Variants in FGL2 observed in about 807,000 individuals in gnomAD.
FGL2 encodes fibroleukin.
In FGL2, 21 loss-of-function variants were observed where a neutral mutation model predicts 36.0. That is an observed-to-expected ratio of 0.58 (90% CI 0.41 to 0.84). The LOEUF is 0.84. Among genes scored for constraint, FGL2 ranks in the 40% least tolerant of loss-of-function variants. The pLI is 0.00. For synonymous variants in FGL2, 183 were observed against 190.7 expected (o/e 0.96, Z 0.33); for missense variants, 444 against 526.3 (o/e 0.84, Z 1.53).
rs776636068 is a variant in FGL2, at chr7:77,193,613, A to G, written c.*2666T>C. ...GTTGCCCAGATTTCTTATGTTTTGT[A>G]TATTTAAGCTCTTTATTTATTGAAC... On this transcript the variant is annotated 3_prime_UTR_variant, in exon 2 of 2. Transcript: ENST00000248598. 2 of 152,152 alleles carry G rather than the reference A, an allele frequency of 1.3e-5. No homozygotes were observed. Among genetic ancestry groups the G allele is most frequent in the Non-Finnish European group, 2.9e-5 (2 of 67,996 alleles). The allele number at this position is 152,152 out of a possible 1,614,324, so 9.4% of individuals were successfully genotyped here.
intron 1 of FGL2, chr7:77,198,425 C>A: frequency 2.2e-6 from 1 of 445,284 alleles, no homozygotes; most frequent in Non-Finnish European, 3.0e-6. Context: ...GTCAATACCA[C>A]TGTTAGTTCG....
intron 1 of FGL2, chr7:77,198,037 G>A (rs1028074595): frequency 2.8e-6 from 2 of 722,338 alleles, no homozygotes; most frequent in African/African-American, 3.8e-5. Context: ...CACCCAAAAT[G>A]TTTAGGAGAA....
chr7:77,199,063 T>C, intron 1 of FGL2, 118 bp downstream of exon 1: 1 of 877,626 alleles, frequency 1.1e-6, no homozygotes, highest in Non-Finnish European at 1.8e-6. Flanking sequence ...TGCACCTTGA[T>C]AAATAAAAGA....
In FGL2 at chr7:77,195,348, T is replaced by C. The variant is rs1324110012; in HGVS notation, c.*931A>G. On this transcript the variant is annotated 3_prime_UTR_variant, in exon 2 of 2. Transcript: ENST00000248598. ...TTAAACCCTGGTCTTCACAGTTACA[T>C]TGCTTTCTGAATGCTTTTTGGGGTG... 1.3e-5 allele frequency: 2 copies of C among 152,216 alleles called. No individual in the cohort carries two copies. Among genetic ancestry groups the C allele is most frequent in the African/African-American group, 4.8e-5 (2 of 41,466 alleles). The allele number at this position is 152,216 out of a possible 1,614,324, so 9.4% of individuals were successfully genotyped here. A position where few individuals can be genotyped will look rare whatever the true frequency, so the allele number is the denominator to read the frequency against.
In FGL2 at chr7:77,199,069, A is replaced by G; in HGVS notation, c.613+112T>C. The G allele has an allele frequency of 3.3e-6, 3 of 919,006 alleles. No homozygotes were observed. The East Asian group carries it at 7.3e-5, about 22-fold the overall frequency. The allele number at this position is 919,006 out of a possible 1,614,324, so 56.9% of individuals were successfully genotyped here. A position where few individuals can be genotyped will look rare whatever the true frequency, so the allele number is the denominator to read the frequency against. ...TTTTTCCTGTGCACCTTGATAAATA[A>G]AAGACTTAATCTGTCATCTATTTAA... On this transcript the variant is annotated intron_variant, in intron 1 of 1. Coordinates refer to ENST00000248598, the MANE Select transcript of FGL2 (RefSeq NM_006682.3).
chr7:77,199,338 A>G lies in FGL2; in HGVS notation c.456T>C (p.Asn152=), dbSNP rs1791936686. Residue 152 remains asparagine (N), a synonymous_variant, in exon 1 of 2, where the codon AAT becomes AAC. Transcript: ENST00000248598. ...GCTTCTCCAGGCGACCATGAAGTAC[A>G]TTGATCTCCTCTTTGGCATTCTTTA... ...SELKNAKEEI[N]VLHGRLEKLN... is the part of the protein sequence containing the mutation. 6.2e-7 allele frequency: 1 copy of G among 1,614,092 alleles called. No individual in the cohort carries two copies.
Position 77,196,638 on chromosome 7 carries a change from C to T in FGL2, c.961G>A (p.Val321Met), listed in dbSNP as rs1791875888. ...ELYALYDQFY[V>M]ANEFLKYRLH... ...CGATATTTGAGAAACTCATTAGCCACATAAAACTGATCATACAAGGCATAT... is the reference window on the plus strand; with the variant it reads ...CGATATTTGAGAAACTCATTAGCCATATAAAACTGATCATACAAGGCATAT... The change falls in exon 2 of 2, where the codon GTG becomes ATG. Residue 321 changes from valine (V) to methionine (M), a missense_variant. Val to Met is a conservative substitution (Grantham distance 21). Coordinates refer to ENST00000248598, the MANE Select transcript of FGL2 (RefSeq NM_006682.3). The surrounding 1 kb of genome is among the most constrained non-coding windows in gnomAD (Gnocchi z 4.2). 6.2e-7 allele frequency: 1 copy of T among 1,614,128 alleles called. No homozygotes were observed. Among genetic ancestry groups the T allele is most frequent in the Non-Finnish European group, 8.5e-7 (1 of 1,179,942 alleles).
At chr7:77,199,034 A>C (rs966229836) in intron 1 of FGL2, 147 bp downstream of exon 1, 11 of 683,768 alleles carry the variant, frequency 1.6e-5, no homozygotes, top group Middle Eastern at 4.1e-4. Flanking sequence ...ATATTTGAGA[A>C]GATATTTATT....
rs1016867186 is a variant in FGL2, at chr7:77,196,365, C to T, written c.1234G>A (p.Gly412Ser). Residue 412 changes from glycine to serine, a missense_variant, in exon 2 of 2, where the codon GGT becomes AGT. By Grantham distance (56) the Gly-to-Ser change is moderately conservative. Transcript: ENST00000248598. The surrounding 1 kb of genome is among the most constrained non-coding windows in gnomAD (Gnocchi z 4.2). ...CCACCAGGGTGTGCCTCACTTACAC[C>T]AGGCCAGGTACCCCAGAAAATCCCA... ...RNGIFWGTWP[G>S]VSEAHPGGYK... is the part of the protein sequence containing the mutation. 1 of 1,613,998 alleles carries T rather than the reference C, an allele frequency of 6.2e-7. No homozygotes were observed. The highest frequency in any genetic ancestry group is 8.5e-7 in the Non-Finnish European group (1 of 1,180,026).
At chr7:77,197,095 T>A in intron 1 of FGL2, 110 bp from the exon 2 acceptor site, 1 of 699,760 alleles carries the variant, frequency 1.4e-6, no homozygotes, top group Non-Finnish European at 2.4e-6. Context: ...ATGGCAGTAA[T>A]GAAACTTTAC....
In FGL2 at chr7:77,196,219, T is replaced by C. The variant is rs2150430379; in HGVS notation, c.*60A>G. 8.1e-7 allele frequency: 1 copy of C among 1,235,866 alleles called. No individual in the cohort carries two copies. The highest frequency in any genetic ancestry group is 2.3e-5 in the East Asian group (1 of 42,626). The allele number at this position is 1,235,866 out of a possible 1,614,324, so 76.6% of individuals were successfully genotyped here. On this transcript the variant is annotated 3_prime_UTR_variant, in exon 2 of 2. Coordinates refer to ENST00000248598, the MANE Select transcript of FGL2 (RefSeq NM_006682.3). The surrounding 1 kb of genome is among the most constrained non-coding windows in gnomAD (Gnocchi z 4.2). ...ATATGAAACAAGGCATATTCTAAAG[T>C]GCTGAAGGAATTAATTGCCCTATTA...
At position 77,195,275 on chromosome 7, in the gene FGL2, T is replaced by C. The variant is rs1308773570; in HGVS notation, c.*1004A>G. The C allele has an allele frequency of 6.6e-6, 1 of 152,086 alleles. No individual in the cohort carries two copies. Among genetic ancestry groups the C allele is most frequent in the East Asian group, 1.9e-4 (1 of 5,188 alleles). The allele number at this position is 152,086 out of a possible 1,614,324, so 9.4% of individuals were successfully genotyped here. A position where few individuals can be genotyped will look rare whatever the true frequency, so the allele number is the denominator to read the frequency against. On this transcript the variant is annotated 3_prime_UTR_variant, in exon 2 of 2. Transcript: ENST00000248598. The stretch of plus-strand genomic sequence containing the variant: ...AAGATAATTTTCATGTTAAAGCAGT[T>C]TTCAACATCAAACATCTAAGGAGTT...
Position 77,196,390 on chromosome 7 carries a change from A to G in FGL2, c.1209T>C (p.Asn403=), listed in dbSNP as rs774936302. 35 of 1,613,998 alleles carry G rather than the reference A, an allele frequency of 2.2e-5. No homozygotes were observed. Among genetic ancestry groups the G allele is most frequent in the Non-Finnish European group, 2.8e-5 (33 of 1,180,002 alleles). ...CAGGCCAGGTACCCCAGAAAATCCC[A>G]TTACGGACACCTCTGTATTTTTGGT... The part of the protein sequence containing the change: ...YYHQKYRGVR[N]GIFWGTWPGV... Residue 403 remains asparagine, a synonymous_variant, in exon 2 of 2, where the codon AAT becomes AAC. Transcript: ENST00000248598. This position sits in a 1 kb window ranked among gnomAD's most constrained non-coding sequence, Gnocchi z 4.2.
At chr7:77,199,009 C>A in intron 1 of FGL2, 172 bp downstream of exon 1, 1 of 617,596 alleles carries the variant, frequency 1.6e-6, no homozygotes, top group East Asian at 2.8e-5. Context: ...GTAATTAGGT[C>A]ATATTTATGT....
At position 77,199,360 on chromosome 7, in the gene FGL2, T is replaced by A. The variant is rs759137583; in HGVS notation, c.434A>T (p.Lys145Met). The A allele has an allele frequency of 9.3e-6, 15 of 1,614,102 alleles. No homozygotes were observed. Among genetic ancestry groups the A allele is most frequent in the Non-Finnish European group, 1.3e-5 (15 of 1,179,952 alleles). ...TACATTGATCTCCTCTTTGGCATTCTTTAGCTCAGAGGACAGCTTGTTAAC... is the reference window on the plus strand; with the variant it reads ...TACATTGATCTCCTCTTTGGCATTCATTAGCTCAGAGGACAGCTTGTTAAC... ...SEVNKLSSEL[K>M]NAKEEINVLH... The change falls in exon 1 of 2, where the codon AAG (lysine) becomes ATG (methionine). Residue 145 changes from lysine (K) to methionine (M), a missense_variant. Transcript: ENST00000248598.
rs1791849751 is a variant in FGL2, at chr7:77,195,449, T to G, written c.*830A>C. 6.6e-6 allele frequency: 1 copy of G among 152,230 alleles called. No homozygotes were observed. The highest frequency in any genetic ancestry group is 2.4e-5 in the African/African-American group (1 of 41,454). 9.4% of individuals were successfully genotyped at this position (152,230 alleles called of 1,614,324 possible). A position where few individuals can be genotyped will look rare whatever the true frequency, so the allele number is the denominator to read the frequency against. Reference sequence around the variant, plus strand: ...TTCATGAATGATAAATGAACAAGTTTAATTATATAGATATTAGTTCCCTTA... The same window carrying G: ...TTCATGAATGATAAATGAACAAGTTGAATTATATAGATATTAGTTCCCTTA... On this transcript the variant is annotated 3_prime_UTR_variant, in exon 2 of 2. Coordinates refer to ENST00000248598, the MANE Select transcript of FGL2 (RefSeq NM_006682.3).
At position 77,194,359 on chromosome 7, in the gene FGL2, AAAC is replaced by A. The variant is rs1374229446; in HGVS notation, c.*1917_*1919del. 3 of 152,112 alleles carry A rather than the reference AAAC, an allele frequency of 2.0e-5. No individual in the cohort carries two copies. The highest frequency in any genetic ancestry group is 4.4e-5 in the Non-Finnish European group (3 of 67,938). The allele number at this position is 152,112 out of a possible 1,614,324, so 9.4% of individuals were successfully genotyped here. ...TCTTTTTTAAAAAGTAAAAAGTAAAAAACAACGTCAGTTACATCATTTACATTT... is the reference window on the plus strand; with the variant it reads ...TCTTTTTTAAAAAGTAAAAAGTAAAAAACGTCAGTTACATCATTTACATTT... On this transcript the variant is annotated 3_prime_UTR_variant, in exon 2 of 2. Coordinates refer to ENST00000248598, the MANE Select transcript of FGL2 (RefSeq NM_006682.3).
Position 77,199,218 on chromosome 7 carries a change from T to A in FGL2, c.576A>T (p.Ser192=), listed in dbSNP as rs1238968901. The A allele has an allele frequency of 1.2e-6, 2 of 1,613,918 alleles. No homozygotes were observed. The highest frequency in any genetic ancestry group is 3.3e-5 in the Admixed American group (2 of 60,002). ...FVVNSLDGKC[S]KCPSQEQIQS... is the part of the protein sequence containing the mutation. ...GTATTTGTTCTTGGCTGGGACACTTTGAACATTTGCCATCCAAACTATTGA... is the reference window on the plus strand; with the variant it reads ...GTATTTGTTCTTGGCTGGGACACTTAGAACATTTGCCATCCAAACTATTGA... Residue 192 remains serine, a synonymous_variant, in exon 1 of 2, where the codon TCA becomes TCT. Transcript: ENST00000248598.
In FGL2 at chr7:77,196,999, A is replaced by G; in HGVS notation, c.614-14T>C. 1 of 1,483,346 alleles carries G rather than the reference A, an allele frequency of 6.7e-7. No individual in the cohort carries two copies. Among genetic ancestry groups the G allele is most frequent in the Non-Finnish European group, 9.3e-7 (1 of 1,076,428 alleles). 91.9% of individuals were successfully genotyped at this position (1,483,346 alleles called of 1,614,324 possible). ...TTAGATGTTGAACTGAAGGGGAAAT[A>G]AAAGGAAGGCATTGGATCTTGTTAA... is the stretch of plus-strand genomic sequence containing the variant. On this transcript the variant is annotated splice_polypyrimidine_tract_variant and intron_variant, in intron 1 of 1. Transcript: ENST00000248598. The surrounding 1 kb of genome is among the most constrained non-coding windows in gnomAD (Gnocchi z 4.2).
Sources: allele counts gnomAD v4.1 joint callset, GRCh38; gene constraint gnomAD v4.1.1; non-coding constraint Gnocchi (gnomAD v3.1); transcripts MANE v1.5; gene names NCBI Gene and HGNC (gene_info 2026-07-23, HGNC 2026-07-21).